TIMP2: variants seen among roughly 807,000 people sequenced by gnomAD.
The protein encoded by TIMP2 is TIMP metallopeptidase inhibitor 2.
In TIMP2, 5 loss-of-function variants were observed where a neutral mutation model predicts 24.3. The observed-to-expected ratio is 0.21, with a 90% CI of 0.11 to 0.43. The LOEUF (loss-of-function observed/expected upper bound fraction) is 0.43, where lower values mean the gene tolerates loss of function less well. Among genes scored for constraint, TIMP2 ranks in the 20% least tolerant of loss-of-function variants. TIMP2 has a pLI of 1.00. For synonymous variants in TIMP2, 130 were observed against 123.2 expected, an observed-to-expected ratio of 1.06 and a Z score of -0.37; for missense variants, 221 against 297.5, an observed-to-expected ratio of 0.74 and a Z score of 1.89.
intron 3 of TIMP2, among the ~76,000 whole-genome samples, chr17:78,866,495 GT>G (rs2069618754): frequency 6.6e-6 from 1 of 151,632 alleles, no homozygotes; most frequent in African/African-American, 2.4e-5. Context: ...TAAACCTAAA[GT>G]CACCCAACCC....
chr17:78,865,859 C>T (rs923846900), intron 3 of TIMP2, among the ~76,000 whole-genome samples: 6 of 152,120 alleles, frequency 3.9e-5, no homozygotes, highest in African/African-American at 1.4e-4. Flanking sequence ...GTTTGGACAC[C>T]GGTGCTGGCT....
At position 78,925,162 on chromosome 17, in the gene TIMP2, G is replaced by A. The variant is rs1393328855; in HGVS notation, c.-74C>T. The A allele has an allele frequency of 5.7e-5, 33 of 583,328 alleles. No homozygotes were observed. Among genetic ancestry groups the A allele is most frequent in the Non-Finnish European group, 6.4e-5 (30 of 465,308 alleles). 36.1% of individuals were successfully genotyped at this position (583,328 alleles called of 1,614,324 possible). A position where few individuals can be genotyped will look rare whatever the true frequency, so the allele number is the denominator to read the frequency against. ...GCGCTGCTCGCGGCGGCGGGCTGGGGGCGCGGGCGGGGGCTGAGCCGGGGC... is the reference window on the plus strand; with the variant it reads ...GCGCTGCTCGCGGCGGCGGGCTGGGAGCGCGGGCGGGGGCTGAGCCGGGGC... On this transcript the variant is annotated 5_prime_UTR_variant, in exon 1 of 5. Transcript: ENST00000262768.
At chr17:78,890,624 T>G (rs921165159) in intron 1 of TIMP2, 1 of 1,546,664 alleles carries the variant, frequency 6.5e-7, no homozygotes, top group South Asian at 1.2e-5. Context: ...TTACCCCGGG[T>G]GGGCCTCTCG....
chr17:78,888,487 C>G (rs1446379809), intron 1 of TIMP2, among the ~76,000 whole-genome samples: 1 of 152,156 alleles, frequency 6.6e-6, no homozygotes, highest in African/African-American at 2.4e-5. Context: ...CAGGGTCTCG[C>G]TCTGTCACCC....
At chr17:78,887,795 T>G (rs911151290) in intron 1 of TIMP2, among the ~76,000 whole-genome samples, 7 of 151,116 alleles carry the variant, frequency 4.6e-5, no homozygotes, top group African/African-American at 1.5e-4. Context: ...TTCCCACACC[T>G]ACATCCCAGC....
chr17:78,859,230 C>A (rs1281338815), intron 3 of TIMP2, among the ~76,000 whole-genome samples: 1 of 152,194 alleles, frequency 6.6e-6, no homozygotes, highest in Non-Finnish European at 1.5e-5. Flanking sequence ...CGGCTCCTGA[C>A]TCAGCTGCCT....
In TIMP2 at chr17:78,891,882, T is replaced by C; in HGVS notation, c.131-17963A>G. On this transcript the variant is annotated intron_variant, in intron 1 of 4. Transcript: ENST00000262768. The surrounding 1 kb of genome is among the most constrained non-coding windows in gnomAD (Gnocchi z 4.5). ...TGAGAATTCATCCGACCCGTGGCTT[T>C]TGTAGTCTGTGGTTTCTCTGGACTC... is the stretch of plus-strand genomic sequence containing the variant. The C allele has an allele frequency of 1.3e-6, 2 of 1,550,654 alleles. No individual in the cohort carries two copies. Among genetic ancestry groups the C allele is most frequent in the Admixed American group, 2.0e-5 (1 of 51,006 alleles).
In TIMP2 at chr17:78,924,255, C is replaced by T. The variant is rs2070331694; in HGVS notation, c.130+704G>A. ...GCAGCACAGTCCCACGTGCCGGGTC[C>T]GGTCACCAAAGTCTCCAGCTTTTGT... On this transcript the variant is annotated intron_variant, in intron 1 of 4. Coordinates refer to ENST00000262768, the MANE Select transcript of TIMP2 (RefSeq NM_003255.5). The surrounding 1 kb of genome is among the most constrained non-coding windows in gnomAD (Gnocchi z 5.3). 6.6e-6 allele frequency among the ~76,000 whole-genome samples: 1 copy of T among 152,242 alleles called. No individual in the cohort carries two copies. The highest frequency in any genetic ancestry group is 1.5e-5 in the Non-Finnish European group (1 of 68,050).
intron 3 of TIMP2, among the ~76,000 whole-genome samples, chr17:78,860,941 C>A (rs574079150): frequency 3.5e-4 from 52 of 150,710 alleles, no homozygotes; most frequent in African/African-American, 1.2e-3. Context: ...GAGGCTGAGG[C>A]AGGAGAATCG....
chr17:78,891,433 T>A lies in TIMP2; in HGVS notation c.131-17514A>T. The A allele has an allele frequency of 1.3e-6, 2 of 1,550,864 alleles. No homozygotes were observed. Among genetic ancestry groups the A allele is most frequent in the Non-Finnish European group, 1.7e-6 (2 of 1,147,050 alleles). On this transcript the variant is annotated intron_variant, in intron 1 of 4. Transcript: ENST00000262768. The surrounding 1 kb of genome is among the most constrained non-coding windows in gnomAD (Gnocchi z 4.5). Reference sequence around the variant, plus strand: ...TCAGTGCCAGGTACAAGCACAGGTGTTTTTTCAGCTTTCTGTTTATATTAA... The same window carrying A: ...TCAGTGCCAGGTACAAGCACAGGTGATTTTTCAGCTTTCTGTTTATATTAA...
In TIMP2 at chr17:78,854,928, G is replaced by C. The variant is rs1411993757; in HGVS notation, c.*739C>G. On this transcript the variant is annotated 3_prime_UTR_variant, in exon 5 of 5. Coordinates refer to ENST00000262768, the MANE Select transcript of TIMP2 (RefSeq NM_003255.5). ...AGCTGGGGAGCATGTGGGCGGGGGG[G>C]GGGGGGTGGGGGGGTGGGTGCAGAC... The C allele has an allele frequency of 3.1e-5, 4 of 129,390 alleles. No homozygotes were observed. The highest frequency in any genetic ancestry group is 6.8e-5 in the Non-Finnish European group (4 of 58,836). The allele number at this position is 129,390 out of a possible 1,614,324, so 8.0% of individuals were successfully genotyped here. A position where few individuals can be genotyped will look rare whatever the true frequency, so the allele number is the denominator to read the frequency against.
At chr17:78,862,161 C>A (rs930958458) in intron 3 of TIMP2, among the ~76,000 whole-genome samples, 1 of 152,164 alleles carries the variant, frequency 6.6e-6, no homozygotes, top group Non-Finnish European at 1.5e-5. Context: ...TCCTGGTGCC[C>A]GACTCGACAC....
At chr17:78,876,354 CTTTCT>C (rs1362203615) in intron 1 of TIMP2, among the ~76,000 whole-genome samples, 4 of 152,024 alleles carry the variant, frequency 2.6e-5, no homozygotes, top group African/African-American at 9.7e-5. Flanking sequence ...AAGTTTCTTT[CTTTCT>C]TTTTTTTTTA....
chr17:78,862,536 G>C (rs527961242), intron 3 of TIMP2, among the ~76,000 whole-genome samples: 1 of 152,236 alleles, frequency 6.6e-6, no homozygotes, highest in Admixed American at 6.5e-5. Context: ...CAGCCAGCTG[G>C]CCACTGGGCA....
Position 78,855,798 on chromosome 17 carries a change from C to T in TIMP2, c.532G>A (p.Val178Ile). ...TGCCCGTTGATGTTCTTCTCTGTGA[C>T]CCAGTCCATCCAGAGGCACTCGTCC... ...SPDECLWMDW[V>I]TEKNINGHQA... The change falls in exon 5 of 5, where the codon GTC becomes ATC. Residue 178 changes from valine (V) to isoleucine (I), a missense_variant. Coordinates refer to ENST00000262768, the MANE Select transcript of TIMP2 (RefSeq NM_003255.5). This position sits in a 1 kb window ranked among gnomAD's most constrained non-coding sequence, Gnocchi z 6.0. 4 of 1,614,174 alleles carry T rather than the reference C, an allele frequency of 2.5e-6. No individual in the cohort carries two copies. Among genetic ancestry groups the T allele is most frequent in the Non-Finnish European group, 3.4e-6 (4 of 1,180,038 alleles).
chr17:78,893,484 TGCAGGGGTGTGTGCGC>T (rs892891380), intron 1 of TIMP2, among the ~76,000 whole-genome samples: 4 of 151,044 alleles, frequency 2.6e-5, no homozygotes, highest in Middle Eastern at 3.4e-3. Flanking sequence ...GCGGTGTGTG[TGCAGGGGTGTGTGCGC>T]GCAGGGGTGT....
intron 1 of TIMP2, among the ~76,000 whole-genome samples, chr17:78,887,112 A>G (rs1032667208): frequency 6.6e-6 from 1 of 152,164 alleles, no homozygotes; most frequent in Non-Finnish European, 1.5e-5. Context: ...GCAAAAACAA[A>G]AGAGTCTTGT....
chr17:78,876,849 C>T (rs1050019998), intron 1 of TIMP2, among the ~76,000 whole-genome samples: 3 of 152,092 alleles, frequency 2.0e-5, no homozygotes, highest in Non-Finnish European at 4.4e-5. Flanking sequence ...TTTCTTCCGC[C>T]CCAAATGCCA....
At chr17:78,874,043 A>C (rs2069708297) in intron 1 of TIMP2, 124 bp from the exon 2 acceptor site, 1 of 776,340 alleles carries the variant, frequency 1.3e-6, no homozygotes, top group African/African-American at 1.7e-5. Context: ...GCAAGGTGCG[A>C]GACGGGCAAG....
Sources: allele counts gnomAD v4.1 joint callset (sites outside exome capture counted in the v4.1 genomes callset), GRCh38; gene constraint gnomAD v4.1.1; non-coding constraint Gnocchi (gnomAD v3.1); transcripts MANE v1.5; gene names NCBI Gene and HGNC (gene_info 2026-07-23, HGNC 2026-07-21).